The following HCN1 variants were observed in gnomAD, a reference collection of about 807,000 sequenced individuals.
The protein encoded by HCN1 is hyperpolarization activated cyclic nucleotide gated potassium channel 1.
In HCN1, 13 loss-of-function variants were observed where a neutral mutation model predicts 78.9. The observed-to-expected ratio is 0.16, with a 90% CI of 0.11 to 0.26. HCN1 has a LOEUF of 0.26. HCN1 is among the 10% of genes least tolerant of loss of function. HCN1 has a pLI of 1.00. For missense variants in HCN1, 810 were observed against 1,154.3 expected (o/e 0.70, Z 4.32); for synonymous variants, 552 against 455.5 (o/e 1.21, Z -2.70).
At chr5:45,302,631 T>TTA in intron 6 of HCN1, among the ~76,000 whole-genome samples, 1 of 150,900 alleles carries the variant, frequency 6.6e-6, no homozygotes, top group African/African-American at 2.4e-5. Context: ...TATATATATT[T>TTA]TATATATATA....
intron 5 of HCN1, among the ~76,000 whole-genome samples, chr5:45,330,393 C>CT (rs1746321031): frequency 6.6e-6 from 1 of 150,952 alleles, no homozygotes; most frequent in Admixed American, 6.6e-5. Flanking sequence ...ACAAATAAAA[C>CT]TTAACTAAAT....
intron 2 of HCN1, among the ~76,000 whole-genome samples, chr5:45,554,517 A>G (rs1743432462): frequency 6.6e-6 from 1 of 151,720 alleles, no homozygotes; most frequent in African/African-American, 2.4e-5. Flanking sequence ...GCCTCAACCT[A>G]GGGTTATTAT....
chr5:45,444,800 T>TTTATTA (rs201615072), intron 3 of HCN1, among the ~76,000 whole-genome samples: 1 of 151,492 alleles, frequency 6.6e-6, no homozygotes, highest in Non-Finnish European at 1.5e-5. Context: ...TTTTCTTTCT[T>TTTATTA]TTATTATTAT....
At chr5:45,453,815 TCAA>T in intron 3 of HCN1, among the ~76,000 whole-genome samples, 1 of 152,166 alleles carries the variant, frequency 6.6e-6, no homozygotes, top group Non-Finnish European at 1.5e-5. Context: ...TGTGAATGTC[TCAA>T]CAACATTTAG....
chr5:45,333,347 T>C (rs899652965), intron 5 of HCN1, among the ~76,000 whole-genome samples: 1 of 151,848 alleles, frequency 6.6e-6, no homozygotes, highest in Non-Finnish European at 1.5e-5. Flanking sequence ...TAGACTTTTT[T>C]CCTATAGAGT....
At chr5:45,280,061 A>C (rs1413999440) in intron 6 of HCN1, among the ~76,000 whole-genome samples, 1 of 152,118 alleles carries the variant, frequency 6.6e-6, no homozygotes, top group African/African-American at 2.4e-5. Flanking sequence ...CAGGACAAGA[A>C]AATTCTACTC....
intron 5 of HCN1, among the ~76,000 whole-genome samples, chr5:45,343,876 A>T (rs574452893): frequency 2.1e-3 from 322 of 152,140 alleles, no homozygotes; most frequent in Middle Eastern, 6.8e-3. Context: ...AAAAATATAT[A>T]TATTGGGAGA....
At chr5:45,317,919 G>A (rs1299293780) in intron 5 of HCN1, among the ~76,000 whole-genome samples, 1 of 152,094 alleles carries the variant, frequency 6.6e-6, no homozygotes, top group African/African-American at 2.4e-5. Context: ...GAAACAACAG[G>A]TGCTGGAGAG....
chr5:45,551,823 C>A (rs1743376539), intron 2 of HCN1, among the ~76,000 whole-genome samples: 1 of 151,880 alleles, frequency 6.6e-6, no homozygotes, highest in South Asian at 2.1e-4. Context: ...CATCAATTAA[C>A]TACTGTTCAA....
chr5:45,458,405 C>A (rs1036253245), intron 3 of HCN1, among the ~76,000 whole-genome samples: 7 of 151,998 alleles, frequency 4.6e-5, no homozygotes, highest in Admixed American at 2.0e-4. Context: ...TTTGTCAAGC[C>A]CAAACCCAAG....
intron 2 of HCN1, among the ~76,000 whole-genome samples, chr5:45,524,022 T>G (rs1357626766): frequency 1.3e-5 from 2 of 152,152 alleles, no homozygotes; most frequent in Non-Finnish European, 1.5e-5. Flanking sequence ...TAATCCATCT[T>G]GAATTAATTT....
chr5:45,280,902 C>T (rs1484312339), intron 6 of HCN1, among the ~76,000 whole-genome samples: 1 of 151,876 alleles, frequency 6.6e-6, no homozygotes, highest in Non-Finnish European at 1.5e-5. Context: ...TCAAAAATTC[C>T]GTCTATTTTT....
At chr5:45,377,770 A>G (rs1419202644) in intron 4 of HCN1, among the ~76,000 whole-genome samples, 3 of 152,062 alleles carry the variant, frequency 2.0e-5, no homozygotes, top group African/African-American at 7.2e-5. Context: ...ATAAATACAT[A>G]AGACTATAAC....
intron 5 of HCN1, among the ~76,000 whole-genome samples, chr5:45,337,743 T>C (rs1214666669): frequency 6.6e-6 from 1 of 152,048 alleles, no homozygotes; most frequent in East Asian, 1.9e-4. Flanking sequence ...AAAACACTGA[T>C]GTGATTGATG....
intron 3 of HCN1, among the ~76,000 whole-genome samples, chr5:45,439,762 T>C (rs1740634660): frequency 6.6e-6 from 1 of 151,974 alleles, no homozygotes; most frequent in Non-Finnish European, 1.5e-5. Context: ...TTAAAATAGC[T>C]AGCTAATGAT....
intron 2 of HCN1, among the ~76,000 whole-genome samples, chr5:45,466,994 T>C (rs1458477252): frequency 6.6e-6 from 1 of 152,090 alleles, no homozygotes; most frequent in African/African-American, 2.4e-5. Flanking sequence ...CTGTCCATAG[T>C]CCAAAAGCAA....
intron 2 of HCN1, among the ~76,000 whole-genome samples, chr5:45,494,539 A>G (rs1032405171): frequency 2.0e-4 from 31 of 151,622 alleles, no homozygotes; most frequent in African/African-American, 7.0e-4. Context: ...ATTTTCTCCC[A>G]TTTTGTGGGT....
At chr5:45,575,080 T>C (rs1031632250) in intron 2 of HCN1, 4 of 152,146 alleles carry the variant, frequency 2.6e-5, no homozygotes, top group African/African-American at 9.7e-5. Context: ...AGATAATTCA[T>C]GAAGGTGAAC....
intron 5 of HCN1, among the ~76,000 whole-genome samples, chr5:45,343,545 C>A (rs1400521548): frequency 6.6e-6 from 1 of 152,022 alleles, no homozygotes; most frequent in Non-Finnish European, 1.5e-5. Flanking sequence ...AGAAAAGCTG[C>A]AAAATAGGGC....
Sources: allele counts gnomAD v4.1 joint callset (sites outside exome capture counted in the v4.1 genomes callset), GRCh38; gene constraint gnomAD v4.1.1; transcripts MANE v1.5; gene names NCBI Gene and HGNC (gene_info 2026-07-23, HGNC 2026-07-21).